EEF2: variants seen among roughly 807,000 people sequenced by gnomAD.
The protein encoded by EEF2 is eukaryotic translation elongation factor 2.
In EEF2, 21 loss-of-function variants were observed where a neutral mutation model predicts 85.3. The observed-to-expected ratio is 0.25, with a 90% CI of 0.17 to 0.35. The LOEUF is 0.35. Among genes scored for constraint, EEF2 ranks in the 10% least tolerant of loss-of-function variants. EEF2 has a pLI of 1.00. For synonymous variants in EEF2, 723 were observed against 508.8 expected (o/e 1.42, Z -5.67); for missense variants, 825 against 1,225.3 (o/e 0.67, Z 4.88).
chr19:3,981,331 G>C lies in EEF2; in HGVS notation c.1011+8C>G, dbSNP rs749097164. The stretch of plus-strand genomic sequence containing the variant: ...CCCTCCACCCCGAGGGCTGGGCCCA[G>C]GCCGCACCTTCAGCAGGGGTTTGCC... On this transcript the variant is annotated splice_region_variant and intron_variant, in intron 7 of 14. Transcript: ENST00000309311. 7 of 1,613,512 alleles carry C rather than the reference G, an allele frequency of 4.3e-6. No individual in the cohort carries two copies. The Admixed American group carries it at 8.3e-5, about 19-fold the overall frequency.
At position 3,979,969 on chromosome 19, in the gene EEF2, T is replaced by A; in HGVS notation, c.1444A>T (p.Thr482Ser). Residue 482 changes from threonine (T) to serine (S), a missense_variant, in exon 10 of 15, where the codon ACG becomes TCG. Physicochemically the swap from Thr to Ser is moderately conservative, Grantham distance 58 (BLOSUM62 1). Transcript: ENST00000309311. ...LVGVDQFLVKTGTITTFEHAH... is the reference protein window; with the variant it reads ...LVGVDQFLVKSGTITTFEHAH... ...TGCTCGAAGGTGGTGATGGTGCCCGTCTTCACCAGGAACTGGTCCACGCCC... is the reference window on the plus strand; with the variant it reads ...TGCTCGAAGGTGGTGATGGTGCCCGACTTCACCAGGAACTGGTCCACGCCC... The A allele has an allele frequency of 1.2e-6, 2 of 1,613,908 alleles. No individual in the cohort carries two copies. The highest frequency in any genetic ancestry group is 1.7e-6 in the Non-Finnish European group (2 of 1,180,044).
At chr19:3,984,790 C>G (rs62131468) in intron 1 of EEF2, 25,387 of 193,214 alleles carry the variant, frequency 0.13, 2,146 homozygotes, top group Middle Eastern at 0.19. Context: ...CAAGGCCACC[C>G]ACCCCAGGAA....
intron 11 of EEF2, among the ~76,000 whole-genome samples, chr19:3,978,498 G>A (rs1402096875): frequency 2.6e-5 from 4 of 152,198 alleles, no homozygotes; most frequent in African/African-American, 7.2e-5. Context: ...GAAGACAGCA[G>A]GATGTAACTC....
chr19:3,979,672 G>T, intron 10 of EEF2, 136 bp downstream of exon 10: 1 of 1,370,144 alleles, frequency 7.3e-7, no homozygotes, highest in Non-Finnish European at 9.9e-7. Context: ...TCCATTTACA[G>T]CCACAGCCAA....
intron 1 of EEF2, among the ~76,000 whole-genome samples, chr19:3,984,618 T>C (rs1034507049): frequency 6.6e-6 from 1 of 152,234 alleles, no homozygotes; most frequent in Non-Finnish European, 1.5e-5. Flanking sequence ...CAGATTTCCT[T>C]GATACCAGGT....
At chr19:3,983,989 G>C in intron 2 of EEF2, 147 bp downstream of exon 2, 1 of 829,336 alleles carries the variant, frequency 1.2e-6, no homozygotes, top group Admixed American at 2.5e-5. Flanking sequence ...CTGTCTCGCT[G>C]GACTGAACCT....
chr19:3,983,865 A>T, intron 2 of EEF2: 1 of 508,858 alleles, frequency 2.0e-6, no homozygotes, highest in South Asian at 2.2e-5. Context: ...AAACCTCTCC[A>T]GATATTGTAG....
In EEF2 at chr19:3,979,548, G is replaced by A. The variant is rs1390945300; in HGVS notation, c.1606-112C>T. The A allele has an allele frequency of 6.6e-6, 7 of 1,054,136 alleles. No individual in the cohort carries two copies. The African/African-American group carries it at 9.6e-5, about 14-fold the overall frequency. The allele number at this position is 1,054,136 out of a possible 1,614,324, so 65.3% of individuals were successfully genotyped here. A position where few individuals can be genotyped will look rare whatever the true frequency, so the allele number is the denominator to read the frequency against. ...CCGCCAGAACAAGATTTCAGGGAAG[G>A]TGCTGGGAAACTGGGACCAGCACAA... is the stretch of plus-strand genomic sequence containing the variant. On this transcript the variant is annotated intron_variant, in intron 10 of 14. Transcript: ENST00000309311.
chr19:3,984,391 A>G (rs879836715), intron 1 of EEF2, 41 bp from the exon 2 acceptor site: 6 of 1,598,824 alleles, frequency 3.8e-6, no homozygotes, highest in Admixed American at 3.3e-5. Context: ...CGTGATTTCC[A>G]GGAACACAGC....
At position 3,982,909 on chromosome 19, in the gene EEF2, C is replaced by G. The variant is rs1242828255; in HGVS notation, c.510G>C (p.Glu170Asp). The change falls in exon 4 of 15, where the codon GAG becomes GAC. Residue 170 changes from glutamate to aspartate, a missense_variant. Transcript: ENST00000309311. ...GGAAAGTCTGGTAGAGCTCCTCGGGCTCCAGCTGCAGCTCCAGCAGGGCGC... is the reference window on the plus strand; with the variant it reads ...GGAAAGTCTGGTAGAGCTCCTCGGGGTCCAGCTGCAGCTCCAGCAGGGCGC... Reference protein sequence around the residue: ...MDRALLELQLEPEELYQTFQR... With the variant: ...MDRALLELQLDPEELYQTFQR... The G allele has an allele frequency of 3.1e-6, 5 of 1,613,530 alleles. No individual in the cohort carries two copies. The African/African-American group carries it at 4.0e-5, about 13-fold the overall frequency.
intron 10 of EEF2, 129 bp from the exon 11 acceptor site, chr19:3,979,565 C>T: frequency 1.1e-6 from 1 of 942,962 alleles, no homozygotes; most frequent in Non-Finnish European, 1.6e-6. Flanking sequence ...GAAACTGGGA[C>T]CAGCACAAAC....
rs1464983321 is a variant in EEF2, at chr19:3,980,920, G to A, written c.1071C>T (p.His357=). ...TCTGGGCCGTCACAGGGGAGGGCAG[G>A]TGGATGGTGATCATCTGCAACAAGG... ...GDALLQMITI[H]LPSPVTAQKY... is the part of the protein sequence containing the mutation. Residue 357 remains histidine, a synonymous_variant, in exon 8 of 15, where the codon CAC becomes CAT. Coordinates refer to ENST00000309311, the MANE Select transcript of EEF2 (RefSeq NM_001961.4). 17 of 1,569,818 alleles carry A rather than the reference G, an allele frequency of 1.1e-5. No individual in the cohort carries two copies. The highest frequency in any genetic ancestry group is 1.9e-5 in the Admixed American group (1 of 53,384).
In EEF2 at chr19:3,976,742, T is replaced by C; in HGVS notation, c.2389A>G (p.Thr797Ala). Reference sequence around the variant, plus strand: ...CCCGTGTTGGACCTCAGGTCAGCGGTGAAGCCTGCAGAGGGAAGCGAGAGG... The same window carrying C: ...CCCGTGTTGGACCTCAGGTCAGCGGCGAAGCCTGCAGAGGGAAGCGAGAGG... ...YLPVNESFGF[T>A]ADLRSNTGGQ... Residue 797 changes from threonine to alanine, a missense_variant, in exon 15 of 15, where the codon ACC becomes GCC. By Grantham distance (58) the Thr-to-Ala change is moderately conservative (BLOSUM62 0). Transcript: ENST00000309311. 1.3e-6 allele frequency: 2 copies of C among 1,580,950 alleles called. No homozygotes were observed. Among genetic ancestry groups the C allele is most frequent in the Non-Finnish European group, 1.7e-6 (2 of 1,168,364 alleles).
chr19:3,978,514 C>G (rs1024924311), intron 11 of EEF2, among the ~76,000 whole-genome samples: 3 of 152,198 alleles, frequency 2.0e-5, no homozygotes, highest in Non-Finnish European at 4.4e-5. Flanking sequence ...AACTCAAAAA[C>G]TGCCCCGGAG....
At position 3,976,671 on chromosome 19, in the gene EEF2, C is replaced by G. The variant is rs145279867; in HGVS notation, c.2460G>C (p.Leu820=). 2,617 of 1,608,438 alleles carry G rather than the reference C, an allele frequency of 1.6e-3. 4 individuals carry two copies. The highest frequency in any genetic ancestry group is 1.9e-3 in the Non-Finnish European group (2,226 of 1,178,558). ...TGCTGTTGTCGAAGGGGTCTCCGGGCAGGATCTGCCAGTGGTCAAACACAC... is the reference window on the plus strand; with the variant it reads ...TGCTGTTGTCGAAGGGGTCTCCGGGGAGGATCTGCCAGTGGTCAAACACAC... ...PQCVFDHWQI[L]PGDPFDNSSR... Residue 820 remains leucine, a synonymous_variant, in exon 15 of 15, where the codon CTG becomes CTC. Coordinates refer to ENST00000309311, the MANE Select transcript of EEF2 (RefSeq NM_001961.4).
Position 3,978,086 on chromosome 19 carries a change from G to A in EEF2, c.1800C>T (p.Asn600=). 6.5e-7 allele frequency: 1 copy of A among 1,543,660 alleles called. No individual in the cohort carries two copies. Among genetic ancestry groups the A allele is most frequent in the Non-Finnish European group, 8.8e-7 (1 of 1,137,834 alleles). Residue 600 remains asparagine, a synonymous_variant, in exon 12 of 15, where the codon AAC becomes AAT. Transcript: ENST00000309311. ...LCLSKSPNKH[N]RLYMKARPFP... is the part of the protein sequence containing the mutation. Reference sequence around the variant, plus strand: ...AGGGCCGCGCCTTCATGTACAGCCGGTTGTGCTTGTTGGGGGACTTGGAGA... The same window carrying A: ...AGGGCCGCGCCTTCATGTACAGCCGATTGTGCTTGTTGGGGGACTTGGAGA...
chr19:3,978,208 GAA>G (rs1164052703), intron 11 of EEF2, 36 bp from the exon 12 acceptor site: 27 of 1,430,920 alleles, frequency 1.9e-5, no homozygotes, highest in Non-Finnish European at 2.5e-5. Flanking sequence ...CTTGCCTGGA[GAA>G]AGAGGTGACC....
intron 7 of EEF2, 94 bp downstream of exon 7, chr19:3,981,245 G>T: frequency 1.6e-6 from 2 of 1,280,672 alleles, no homozygotes; most frequent in Non-Finnish European, 2.2e-6. Context: ...TCCCTGCCCA[G>T]CTGAGGACTT....
chr19:3,983,037 G>C lies in EEF2; in HGVS notation c.401-19C>G. The C allele has an allele frequency of 6.2e-7, 1 of 1,611,962 alleles. No individual in the cohort carries two copies. The highest frequency in any genetic ancestry group is 8.5e-7 in the Non-Finnish European group (1 of 1,179,012). On this transcript the variant is annotated intron_variant, in intron 3 of 14. Transcript: ENST00000309311. The stretch of plus-strand genomic sequence containing the variant: ...CACACGCCTGGGGACACGGGGGACA[G>C]GGCGGCGCTGTCATCCTCAAGCAAG...
Sources: allele counts gnomAD v4.1 joint callset (sites outside exome capture counted in the v4.1 genomes callset), GRCh38; gene constraint gnomAD v4.1.1; transcripts MANE v1.5; gene names NCBI Gene and HGNC (gene_info 2026-07-23, HGNC 2026-07-21).